NLGN3: variants seen among roughly 807,000 people sequenced by gnomAD.
NLGN3 encodes neuroligin-3.
A neutral mutation model predicts 42.9 loss-of-function variants in NLGN3; 11 were observed. The observed-to-expected ratio is 0.26, with a 90% CI of 0.16 to 0.42. The LOEUF (loss-of-function observed/expected upper bound fraction) is 0.42. Among genes scored for constraint, NLGN3 ranks in the 10% least tolerant of loss-of-function variants. The probability of loss-of-function intolerance (pLI) is 1.00; values close to 1 mark genes in which losing one functional copy is unlikely to be tolerated. For synonymous variants in NLGN3, 279 were observed against 312.7 expected, an observed-to-expected ratio of 0.89 and a Z score of 1.14; for missense variants, 374 against 733.8, an observed-to-expected ratio of 0.51 and a Z score of 5.67.
At chrX:71,164,733 T>G (rs2092441342) in intron 6 of NLGN3, among the ~76,000 whole-genome samples, 1 of 111,449 alleles carries the variant, frequency 9.0e-6, no homozygotes, top group African/African-American at 3.3e-5. Flanking sequence ...TTCTCTGCCT[T>G]TCTCTCTGAA....
chrX:71,152,171 C>A (rs1334777231), intron 3 of NLGN3, among the ~76,000 whole-genome samples: 1 of 110,792 alleles, frequency 9.0e-6, no homozygotes. Flanking sequence ...GGCAGCACAG[C>A]CCCCTCTGTT....
chrX:71,147,600 G>A lies in NLGN3; in HGVS notation c.-150G>A. The stretch of plus-strand genomic sequence containing the variant: ...CTTTCTGAAGCTGTGGTGCTTGGAC[G>A]ACCTGCTCTCTACATTGCTGGGCAC... On this transcript the variant is annotated 5_prime_UTR_variant, in exon 2 of 8. Transcript: ENST00000358741. 2.0e-6 allele frequency: 1 copy of A among 511,826 alleles called. No individual in the cohort carries two copies. The allele number at this position is 511,826 out of a possible 1,213,427, so 42.2% of individuals were successfully genotyped here. A position where few individuals can be genotyped will look rare whatever the true frequency, so the allele number is the denominator to read the frequency against.
Position 71,157,718 on chromosome X carries a change from G to A in NLGN3, c.727+2355G>A, listed in dbSNP as rs143292157. ...CTGGGTGCAGTTGTATGCCCAGAAC[G>A]GCAATCTTCTCTTGGTTTACAATTA... On this transcript the variant is annotated intron_variant, in intron 5 of 7. Coordinates refer to ENST00000358741, the MANE Select transcript of NLGN3 (RefSeq NM_181303.2). Among the ~76,000 whole-genome samples, 501 of 111,388 alleles carry A rather than the reference G, an allele frequency of 4.5e-3. 3 individuals are homozygous for A. Among genetic ancestry groups the A allele is most frequent in the Non-Finnish European group, 8.1e-3 (432 of 53,108 alleles).
intron 4 of NLGN3, among the ~76,000 whole-genome samples, chrX:71,154,105 C>T (rs186911022): frequency 5.1e-4 from 57 of 112,766 alleles, no homozygotes; most frequent in African/African-American, 1.4e-3. Context: ...AGGTACAAGA[C>T]AAGGCCAGAA....
At chrX:71,154,135 G>A (rs943178241) in intron 4 of NLGN3, among the ~76,000 whole-genome samples, 1 of 113,067 alleles carries the variant, frequency 8.8e-6, no homozygotes, top group African/African-American at 3.2e-5. Flanking sequence ...TAAAATGCCA[G>A]GCTGAGGCCA....
Position 71,147,900 on chromosome X carries a change from C to A in NLGN3, c.151C>A (p.Leu51Ile), listed in dbSNP as rs1477798940. 8.3e-7 allele frequency: 1 copy of A among 1,208,425 alleles called. No homozygotes were observed. The highest frequency in any genetic ancestry group is 1.1e-6 in the Non-Finnish European group (1 of 893,784). ...APTVNTHFGK[L>I]RGARVPLPSE... Reference sequence around the variant, plus strand: ...CACAGTCAACACTCACTTTGGGAAGCTAAGGGGTGCCCGAGTACCACTGCC... The same window carrying A: ...CACAGTCAACACTCACTTTGGGAAGATAAGGGGTGCCCGAGTACCACTGCC... Residue 51 changes from leucine (L) to isoleucine (I), a missense_variant, in exon 2 of 8, where the codon CTA becomes ATA. Coordinates refer to ENST00000358741, the MANE Select transcript of NLGN3 (RefSeq NM_181303.2).
chrX:71,166,001 C>A lies in NLGN3; in HGVS notation c.914-1010C>A, dbSNP rs753911707. 5.4e-5 allele frequency among the ~76,000 whole-genome samples: 6 copies of A among 111,505 alleles called. No individual in the cohort carries two copies. In the South Asian group the frequency reaches 1.9e-3, roughly 35 times the overall value. On this transcript the variant is annotated intron_variant, in intron 6 of 7. Transcript: ENST00000358741. ...TCTCTTAAAGGAATGGAATTATGTGCCTGAGGGACAAATTCTCCCTTGGGA... is the reference window on the plus strand; with the variant it reads ...TCTCTTAAAGGAATGGAATTATGTGACTGAGGGACAAATTCTCCCTTGGGA...
chrX:71,148,246 C>A, intron 2 of NLGN3, 40 bp downstream of exon 2: 1 of 1,061,888 alleles, frequency 9.4e-7, no homozygotes, highest in Non-Finnish European at 1.3e-6. Context: ...CCCTGCCTCC[C>A]GCCTGCCCTG....
chrX:71,171,576 T>C (rs2092471416), downstream of NLGN3: 2 of 436,345 alleles, frequency 4.6e-6, no homozygotes, highest in African/African-American at 5.5e-5. Context: ...GCAACCACCC[T>C]GCCCTCACCT....
Position 71,170,274 on chromosome X carries a change from C to G in NLGN3, c.*177C>G. ...AAACATAGACAGATGTGGACATGCA[C>G]CCGCATGTACAAAAACACAAATACG... is the stretch of plus-strand genomic sequence containing the variant. On this transcript the variant is annotated 3_prime_UTR_variant, in exon 8 of 8. Coordinates refer to ENST00000358741, the MANE Select transcript of NLGN3 (RefSeq NM_181303.2). The G allele has an allele frequency of 8.9e-7, 1 of 1,121,286 alleles. No individual in the cohort carries two copies. Among genetic ancestry groups the G allele is most frequent in the Middle Eastern group, 3.5e-4 (1 of 2,889 alleles). 92.4% of individuals were successfully genotyped at this position (1,121,286 alleles called of 1,213,427 possible).
intron 6 of NLGN3, among the ~76,000 whole-genome samples, chrX:71,166,790 G>A (rs921277541): frequency 1.8e-5 from 2 of 111,789 alleles, no homozygotes; most frequent in Non-Finnish European, 3.8e-5. Context: ...TAACCCCTAA[G>A]TTACCAGCCA....
intron 3 of NLGN3, among the ~76,000 whole-genome samples, chrX:71,151,794 C>T (rs950372382): frequency 1.8e-5 from 2 of 112,396 alleles, no homozygotes; most frequent in Non-Finnish European, 3.8e-5. Flanking sequence ...CTCCCCAACA[C>T]CCCACCCCAT....
chrX:71,156,304 C>T lies in NLGN3; in HGVS notation c.727+941C>T, dbSNP rs552771697. ...TTTACACATCCACCTACCACACACA[C>T]CTGTCCCTCACTATCTCCTCAGAAA... is the stretch of plus-strand genomic sequence containing the variant. On this transcript the variant is annotated intron_variant, in intron 5 of 7. Transcript: ENST00000358741. Among the ~76,000 whole-genome samples the T allele has an allele frequency of 1.7e-4, 18 of 107,970 alleles. 2 individuals carry two copies. In the South Asian group the frequency reaches 7.3e-3, roughly 44 times the overall value. 93.8% of individuals were successfully genotyped at this position (107,970 alleles called of 115,157 possible).
intron 2 of NLGN3, 116 bp downstream of exon 2, chrX:71,148,322 T>A (rs1187063754): frequency 1.6e-6 from 1 of 608,178 alleles, no homozygotes; most frequent in African/African-American, 2.2e-5. Context: ...GTGAAAATGC[T>A]TCTAACCATC....
chrX:71,151,822 G>A (rs1219220807), intron 3 of NLGN3, among the ~76,000 whole-genome samples: 2 of 112,346 alleles, frequency 1.8e-5, no homozygotes, highest in African/African-American at 6.5e-5. Context: ...GAAGGAATTC[G>A]TGTCTGGGGA....
In NLGN3 at chrX:71,148,109, G is replaced by C; in HGVS notation, c.360G>C (p.Pro120=). The change falls in exon 2 of 8, where the codon CCG becomes CCC. Residue 120 remains proline, a synonymous_variant. Coordinates refer to ENST00000358741, the MANE Select transcript of NLGN3 (RefSeq NM_181303.2). ...CAGCTGTGCCCGAAGTCATGCTGCC[G>C]GTCTGGTTCACTGCCAACTTGGATA... ...IHTAVPEVML[P]VWFTANLDIV... 8.3e-7 allele frequency: 1 copy of C among 1,210,572 alleles called. No homozygotes were observed. Among genetic ancestry groups the C allele is most frequent in the Non-Finnish European group, 1.1e-6 (1 of 894,946 alleles).
In NLGN3 at chrX:71,167,381, C is replaced by T. The variant is rs755303809; in HGVS notation, c.1284C>T (p.Asp428=). 1 of 1,209,870 alleles carries T rather than the reference C, an allele frequency of 8.3e-7. No individual in the cohort carries two copies. Among genetic ancestry groups the T allele is most frequent in the East Asian group, 3.0e-5 (1 of 33,762 alleles). The change falls in exon 7 of 8, where the codon GAC becomes GAT. Residue 428 remains aspartate, a synonymous_variant. Coordinates refer to ENST00000358741, the MANE Select transcript of NLGN3 (RefSeq NM_181303.2). Reference sequence around the variant, plus strand: ...CTGAGGATGGTGTCTCTGGCACTGACTTTGACTATTCCGTCTCCAATTTTG... The same window carrying T: ...CTGAGGATGGTGTCTCTGGCACTGATTTTGACTATTCCGTCTCCAATTTTG... The part of the protein sequence containing the change: ...VDPEDGVSGT[D]FDYSVSNFVD...
rs566328646 is a variant in NLGN3, at chrX:71,168,812, GAGAAAAAAA to G, written c.1704-440_1704-432del. On this transcript the variant is annotated intron_variant, in intron 7 of 7. Transcript: ENST00000358741. ...AAAGAAAGAGAGAGAAAGAAAGAAAGAGAAAAAAAAAAGAAAGAAAGAAAGAAAGAAAGA... is the reference window on the plus strand; with the variant it reads ...AAAGAAAGAGAGAGAAAGAAAGAAAGAAAGAAAGAAAGAAAGAAAGAAAGA... Among the ~76,000 whole-genome samples, 91 of 28,885 alleles carry G rather than the reference GAGAAAAAAA, an allele frequency of 3.2e-3. 2 individuals carry two copies. The highest frequency in any genetic ancestry group is 0.024 in the African/African-American group (86 of 3,570). The allele number at this position is 28,885 out of a possible 115,157, so 25.1% of individuals were successfully genotyped here.
At chrX:71,169,165 GAA>G (rs1407511664) in intron 7 of NLGN3, 87 bp from the exon 8 acceptor site, 19 of 1,059,197 alleles carry the variant, frequency 1.8e-5, no homozygotes, top group Non-Finnish European at 2.2e-5. Flanking sequence ...TCTAAACTGG[GAA>G]AGAGGTTTGG....
Sources: gnomAD v4.1 joint callset for allele counts (sites outside exome capture counted in the v4.1 genomes callset) on GRCh38, gnomAD v4.1.1 for gene constraint, MANE v1.5 for transcripts, NCBI Gene and HGNC (gene_info 2026-07-23, HGNC 2026-07-21) for gene names.